Variants in GPRASP3 observed in about 807,000 individuals in gnomAD.
The protein encoded by GPRASP3 is G protein-coupled receptor associated sorting protein family member 3, also known as G protein-coupled receptor associated sorting protein 3.
chrX:102,749,349 T>C, the GPRASP3 span: 1 of 1,210,328 alleles, frequency 8.3e-7, no homozygotes, highest in African/African-American at 1.7e-5. Flanking sequence ...AAGAGGCCAC[T>C]ATCAATTCCT....
At chrX:102,727,441 C>T in the GPRASP3 span, among the ~76,000 whole-genome samples, 2 of 112,117 alleles carry the variant, frequency 1.8e-5, no homozygotes, top group Non-Finnish European at 3.8e-5. Flanking sequence ...AATGCCTCTT[C>T]CTAAACAAGA....
At chrX:102,750,308 A>G in the GPRASP3 span, 1 of 1,208,710 alleles carries the variant, frequency 8.3e-7, no homozygotes, top group Admixed American at 2.2e-5. Context: ...GATTTTGTCC[A>G]TCACTACATT....
the GPRASP3 span, among the ~76,000 whole-genome samples, chrX:102,729,852 A>G: frequency 9.0e-6 from 1 of 111,357 alleles, no homozygotes; most frequent in Non-Finnish European, 1.9e-5. Context: ...CAAATGAAGA[A>G]TGCCTTTGAT....
At chrX:102,735,266 A>G in the GPRASP3 span, among the ~76,000 whole-genome samples, 1 of 112,099 alleles carries the variant, frequency 8.9e-6, no homozygotes, top group African/African-American at 3.2e-5. Flanking sequence ...CTTTTATAAC[A>G]CTTTACAACT....
At chrX:102,733,659 AAAAG>A in the GPRASP3 span, among the ~76,000 whole-genome samples, 1 of 109,747 alleles carries the variant, frequency 9.1e-6, no homozygotes. Flanking sequence ...TTAAAAAAAA[AAAAG>A]ATGACTTCAG....
the GPRASP3 span, chrX:102,745,932 G>T: frequency 9.1e-6 from 1 of 109,359 alleles, no homozygotes; most frequent in Non-Finnish European, 1.9e-5. Context: ...GGCCTGAGAG[G>T]GGGGCGTCGA....
chrX:102,750,151 G>A, the GPRASP3 span: 6 of 1,208,565 alleles, frequency 5.0e-6, no homozygotes, highest in African/African-American at 1.8e-5. Context: ...AAAAAAGACT[G>A]TAATTACTCT....
the GPRASP3 span, chrX:102,752,252 G>A: frequency 1.6e-5 from 2 of 122,793 alleles, no homozygotes; most frequent in African/African-American, 6.5e-5. Flanking sequence ...TAAGACTCAG[G>A]GTGGGAATTA....
chrX:102,721,296 A>G, the GPRASP3 span, among the ~76,000 whole-genome samples: 5 of 111,306 alleles, frequency 4.5e-5, no homozygotes, highest in Admixed American at 9.5e-5. Context: ...CAGGAAAGGC[A>G]GGGGTGGGGA....
chrX:102,724,196 A>G, the GPRASP3 span, among the ~76,000 whole-genome samples: 23 of 111,518 alleles, frequency 2.1e-4, no homozygotes, highest in African/African-American at 7.5e-4. Context: ...TGGGGGCAGT[A>G]TTGTTGGTGA....
At chrX:102,749,593 C>A in the GPRASP3 span, 14 of 1,211,604 alleles carry the variant, frequency 1.2e-5, no homozygotes, top group Non-Finnish European at 1.5e-5. Context: ...AGTTAAGCCT[C>A]AGCCTGTGTA....
the GPRASP3 span, among the ~76,000 whole-genome samples, chrX:102,733,123 T>G: frequency 8.9e-6 from 1 of 112,467 alleles, no homozygotes; most frequent in East Asian, 2.8e-4. Flanking sequence ...GCATTCTTAT[T>G]GCACTTATGC....
At chrX:102,732,629 A>G in the GPRASP3 span, among the ~76,000 whole-genome samples, 4 of 112,249 alleles carry the variant, frequency 3.6e-5, 1 homozygote, top group Middle Eastern at 0.018. Context: ...TTCTCTCTCC[A>G]GTCCTCGTGA....
the GPRASP3 span, among the ~76,000 whole-genome samples, chrX:102,743,208 A>G: frequency 9.2e-6 from 1 of 108,750 alleles, no homozygotes; most frequent in South Asian, 4.0e-4. Flanking sequence ...CTTATTAACT[A>G]TCTTTTTTAG....
At chrX:102,749,853 C>A in the GPRASP3 span, 1 of 1,206,633 alleles carries the variant, frequency 8.3e-7, no homozygotes, top group Non-Finnish European at 1.1e-6. Context: ...TTGATTCTGA[C>A]CCCTGCATCC....
the GPRASP3 span, chrX:102,753,242 G>C: frequency 8.1e-6 from 1 of 123,361 alleles, no homozygotes; most frequent in Non-Finnish European, 1.9e-5. Context: ...CTCTTTGGTC[G>C]GGAGGGGATC....
At chrX:102,723,058 C>G in the GPRASP3 span, among the ~76,000 whole-genome samples, 1 of 111,326 alleles carries the variant, frequency 9.0e-6, no homozygotes, top group Non-Finnish European at 1.9e-5. Flanking sequence ...ACATTCTATG[C>G]TTATATCAAA....
chrX:102,751,859 G>T, the GPRASP3 span: 2 of 120,870 alleles, frequency 1.7e-5, no homozygotes, highest in African/African-American at 3.3e-5. Flanking sequence ...CTATCCATTT[G>T]TATTTTTTCT....
chrX:102,739,214 C>T, the GPRASP3 span, among the ~76,000 whole-genome samples: 2 of 111,450 alleles, frequency 1.8e-5, no homozygotes, highest in Admixed American at 1.9e-4. Context: ...TGGCCTTTAA[C>T]CAGCCTATAT....
Sources: allele counts gnomAD v4.1 joint callset (sites outside exome capture counted in the v4.1 genomes callset), GRCh38; gene constraint gnomAD v4.1.1; transcripts MANE v1.5; gene names NCBI Gene and HGNC (gene_info 2026-07-23, HGNC 2026-07-21).